The following HYLS1 variants were observed in gnomAD, a reference collection of about 807,000 sequenced individuals.
HYLS1 encodes the protein HYLS1 centriolar and ciliogenesis associated.
In HYLS1, 25 loss-of-function variants were observed where a neutral mutation model predicts 29.4. The ratio of observed to expected loss-of-function variants is 0.85; its 90% CI spans 0.62 to 1.19. The LOEUF (loss-of-function observed/expected upper bound fraction) is 1.19, where lower values mean the gene tolerates loss of function less well. HYLS1 is among the 50% of genes most tolerant of loss of function. The pLI, the probability that HYLS1 is intolerant of heterozygous loss-of-function variation, is 0.00. For synonymous variants in HYLS1, 128 were observed against 126.7 expected, an observed-to-expected ratio of 1.01 and a Z score of -0.07; for missense variants, 352 against 365.1, an observed-to-expected ratio of 0.96 and a Z score of 0.29.
In HYLS1 at chr11:125,899,648, A is replaced by G. The variant is rs1565457038; in HGVS notation, c.280A>G (p.Met94Val). ...EASQRLRKPV[M>V]KRKVLRRKPD... Reference sequence around the variant, plus strand: ...CTCCCAAAGACTCCGAAAGCCAGTGATGAAGAGAAAGGTGCTGCGCAGAAA... The same window carrying G: ...CTCCCAAAGACTCCGAAAGCCAGTGGTGAAGAGAAAGGTGCTGCGCAGAAA... The change falls in exon 3 of 3, where the codon ATG (methionine) becomes GTG (valine). Residue 94 changes from methionine to valine, a missense_variant. Met to Val is a conservative substitution (Grantham distance 21). Coordinates refer to ENST00000425380, the MANE Select transcript of HYLS1 (RefSeq NM_001134793.2). The G allele has an allele frequency of 6.2e-7, 1 of 1,614,240 alleles. No individual in the cohort carries two copies. Among genetic ancestry groups the G allele is most frequent in the South Asian group, 1.1e-5 (1 of 91,086 alleles).
intron 1 of HYLS1, among the ~76,000 whole-genome samples, chr11:125,888,783 AAAAAG>A (rs1565448568): frequency 5.8e-5 from 8 of 138,656 alleles, no homozygotes; most frequent in Admixed American, 7.9e-5. Context: ...AAAAAAAAAA[AAAAAG>A]AGAAAAGAAA....
At chr11:125,895,330 G>T in intron 2 of HYLS1, 1 of 1,614,004 alleles carries the variant, frequency 6.2e-7, no homozygotes, top group Non-Finnish European at 8.5e-7. Context: ...ATCATACATC[G>T]GACTTGATGA....
At chr11:125,884,546 T>C (rs1944276755), upstream of HYLS1, among the ~76,000 whole-genome samples, 1 of 152,190 alleles carries the variant, frequency 6.6e-6, no homozygotes, top group African/African-American at 2.4e-5. Flanking sequence ...GAGGTGGAGC[T>C]TGCAGTGAGC....
intron 2 of HYLS1, among the ~76,000 whole-genome samples, chr11:125,893,134 T>C (rs1187746307): frequency 6.6e-6 from 1 of 152,250 alleles, no homozygotes; most frequent in Non-Finnish European, 1.5e-5. Context: ...CCATGGCCCA[T>C]GAACTAAGAG....
intron 2 of HYLS1, chr11:125,894,173 G>T (rs1409803583): frequency 1.2e-6 from 2 of 1,614,100 alleles, no homozygotes; most frequent in Admixed American, 3.3e-5. Flanking sequence ...AGCATGATTA[G>T]CCCACAGTTG....
At position 125,898,749 on chromosome 11, in the gene HYLS1, C is replaced by T. The variant is rs116121895; in HGVS notation, c.-25-595C>T. Reference sequence around the variant, plus strand: ...CACATTATATGTGTGTGAGAGAACACAACACTGCTTTTGTGATTTTTTTTT... The same window carrying T: ...CACATTATATGTGTGTGAGAGAACATAACACTGCTTTTGTGATTTTTTTTT... On this transcript the variant is annotated intron_variant, in intron 2 of 2. Transcript: ENST00000425380. 3.6e-3 allele frequency among the ~76,000 whole-genome samples: 534 copies of T among 150,182 alleles called. 6 individuals carry two copies. Among genetic ancestry groups the T allele is most frequent in the African/African-American group, 0.012 (510 of 41,188 alleles).
chr11:125,890,685 G>A (rs1243984574), intron 1 of HYLS1, among the ~76,000 whole-genome samples: 1 of 152,160 alleles, frequency 6.6e-6, no homozygotes, highest in Non-Finnish European at 1.5e-5. Flanking sequence ...TGTTGTCTGT[G>A]TTTACAGAAT....
upstream of HYLS1, among the ~76,000 whole-genome samples, chr11:125,886,663 A>G (rs10893446): frequency 0.85 from 125,386 of 148,236 alleles, 53,463 homozygotes; most frequent in East Asian, 1. Context: ...GTGGCTGGGC[A>G]CAGAGGCTCA....
At chr11:125,895,449 G>A (rs1944552600) in intron 2 of HYLS1, 1 of 1,614,104 alleles carries the variant, frequency 6.2e-7, no homozygotes, top group Non-Finnish European at 8.5e-7. Flanking sequence ...AGATAGAATA[G>A]TCCTCTGAAA....
chr11:125,892,237 C>G (rs940850689), intron 2 of HYLS1, among the ~76,000 whole-genome samples: 4 of 152,120 alleles, frequency 2.6e-5, no homozygotes, highest in African/African-American at 9.7e-5. Flanking sequence ...AAGAAGCCTT[C>G]AAATGTAAGT....
rs117855259 is a variant in HYLS1 at position 125,893,967 on chromosome 11, C to T, written c.-26+2495C>T. 866 of 1,614,132 alleles carry T rather than the reference C, an allele frequency of 5.4e-4. 10 individuals carry two copies. The East Asian group carries it at 0.018, about 33-fold the overall frequency. ...AAATGCTGGATCCGGGATTCCAGTC[C>T]TTGGCATTTAGGACGGTCCATGAGG... On this transcript the variant is annotated intron_variant, in intron 2 of 2. Coordinates refer to ENST00000425380, the MANE Select transcript of HYLS1 (RefSeq NM_001134793.2).
chr11:125,897,538 C>G (rs1047700846), intron 2 of HYLS1, among the ~76,000 whole-genome samples: 3 of 138,624 alleles, frequency 2.2e-5, no homozygotes, highest in Non-Finnish European at 4.7e-5. Flanking sequence ...AAAAAAAAAT[C>G]CAGCAACCTG....
At chr11:125,896,257 G>A in intron 2 of HYLS1, 1 of 1,612,150 alleles carries the variant, frequency 6.2e-7, no homozygotes, top group Non-Finnish European at 8.5e-7. Context: ...TTCTCAGTCT[G>A]GTTTCTGTCT....
At chr11:125,890,275 A>G (rs914319621) in intron 1 of HYLS1, among the ~76,000 whole-genome samples, 5 of 141,754 alleles carry the variant, frequency 3.5e-5, no homozygotes, top group African/African-American at 1.3e-4. Context: ...TTGGTACGGC[A>G]TCTGTCTTTT....
chr11:125,890,481 C>T (rs1006257115), intron 1 of HYLS1, among the ~76,000 whole-genome samples: 1 of 152,178 alleles, frequency 6.6e-6, no homozygotes, highest in African/African-American at 2.4e-5. Flanking sequence ...TTGCTTACCT[C>T]CCCAGAGGTG....
chr11:125,895,169 T>C, intron 2 of HYLS1: 1 of 1,426,446 alleles, frequency 7.0e-7, no homozygotes, highest in South Asian at 1.4e-5. Flanking sequence ...GCCTCAAGCG[T>C]CCCGAGTAGC....
chr11:125,900,388 C>A lies in HYLS1; in HGVS notation c.*120C>A. On this transcript the variant is annotated 3_prime_UTR_variant, in exon 3 of 3. Coordinates refer to ENST00000425380, the MANE Select transcript of HYLS1 (RefSeq NM_001134793.2). ...GAAACATTTTATGGTAAGGACTTCA[C>A]CTATCATTGGTCTTTCCTAGCTATA... The A allele has an allele frequency of 1.1e-6, 1 of 923,024 alleles. No individual in the cohort carries two copies. Among genetic ancestry groups the A allele is most frequent in the Non-Finnish European group, 1.7e-6 (1 of 584,700 alleles). The allele number at this position is 923,024 out of a possible 1,614,324, so 57.2% of individuals were successfully genotyped here.
At position 125,899,852 on chromosome 11, in the gene HYLS1, G is replaced by A. The variant is rs1313091334; in HGVS notation, c.484G>A (p.Gly162Arg). ...QKFNLPHEYQ[G>R]ISQDQLICSL... ...ATTTAACCTACCACATGAATACCAAGGAATTTCTCAAGATCAGCTCATTTG... is the reference window on the plus strand; with the variant it reads ...ATTTAACCTACCACATGAATACCAAAGAATTTCTCAAGATCAGCTCATTTG... Residue 162 changes from glycine to arginine, a missense_variant, in exon 3 of 3, where the codon GGA becomes AGA. Transcript: ENST00000425380. 6 of 1,614,174 alleles carry A rather than the reference G, an allele frequency of 3.7e-6. No individual in the cohort carries two copies. The highest frequency in any genetic ancestry group is 5.1e-6 in the Non-Finnish European group (6 of 1,180,030).
intron 1 of HYLS1, among the ~76,000 whole-genome samples, chr11:125,889,105 T>C (rs1306286408): frequency 6.6e-6 from 1 of 152,194 alleles, no homozygotes; most frequent in East Asian, 1.9e-4. Flanking sequence ...TATAATAAAG[T>C]ATGTTAATTT....
Sources: gnomAD v4.1 joint callset for allele counts (sites outside exome capture counted in the v4.1 genomes callset) on GRCh38, gnomAD v4.1.1 for gene constraint, MANE v1.5 for transcripts, NCBI Gene and HGNC (gene_info 2026-07-23, HGNC 2026-07-21) for gene names.